The following DCT variants were observed in gnomAD, a reference collection of about 807,000 sequenced individuals.
DCT encodes the protein L-dopachrome tautomerase.
Under a neutral mutation model 53.0 loss-of-function variants are expected in DCT, and 47 were observed. The observed-to-expected ratio is 0.89, with a 90% confidence interval of 0.70 to 1.13. The LOEUF (loss-of-function observed/expected upper bound fraction) is 1.13. Among genes scored for constraint, DCT ranks in the 50% most tolerant of loss-of-function variants. The pLI, the probability that DCT is intolerant of heterozygous loss-of-function variation, is 0.00. For missense variants in DCT, 669 were observed against 637.4 expected (o/e 1.05, Z -0.53); for synonymous variants, 244 against 237.0 (o/e 1.03, Z -0.27).
chr13:94,461,157 GT>G (rs2139326193), intron 5 of DCT, among the ~76,000 whole-genome samples: 1 of 152,322 alleles, frequency 6.6e-6, no homozygotes, highest in East Asian at 1.9e-4. Flanking sequence ...ATATGTTTGA[GT>G]TAGGGGAGTT....
the DCT span, among the ~76,000 whole-genome samples, chr13:94,536,925 CAG>C: frequency 6.6e-6 from 1 of 152,134 alleles, no homozygotes; most frequent in Non-Finnish European, 1.5e-5. Context: ...ACCTGGGCAA[CAG>C]AGAGAGACTC....
chr13:94,458,523 A>C (rs1481221771), intron 6 of DCT, among the ~76,000 whole-genome samples: 1 of 152,122 alleles, frequency 6.6e-6, no homozygotes, highest in Admixed American at 6.6e-5. Context: ...AAAACTAAAG[A>C]CTGGGCCCAG....
chr13:94,458,271 C>A (rs1454508237), intron 6 of DCT, among the ~76,000 whole-genome samples: 1 of 152,118 alleles, frequency 6.6e-6, no homozygotes, highest in Non-Finnish European at 1.5e-5. Context: ...AAGTCCTCCC[C>A]AAATCACCTA....
Position 94,460,129 on chromosome 13 carries a change from C to T in DCT, c.1141G>A (p.Ala381Thr), listed in dbSNP as rs772228009. The T allele has an allele frequency of 9.9e-6, 16 of 1,613,952 alleles. No individual in the cohort carries two copies. Among genetic ancestry groups the T allele is most frequent in the East Asian group, 2.2e-5 (1 of 44,872 alleles). ...LVHSFLNGTN[A>T]LPHSAANDPI... is the part of the protein sequence containing the mutation. ...TCATTGGCGGCTGAATGTGGCAAAG[C>T]GTTTGTCCCGTTCAGGAAGGAATGA... Residue 381 changes from alanine (A) to threonine (T), a missense_variant, in exon 6 of 8, where the codon GCT becomes ACT. Physicochemically the swap from Ala to Thr is moderately conservative, Grantham distance 58. Coordinates refer to ENST00000377028, the MANE Select transcript of DCT (RefSeq NM_001922.5).
intron 6 of DCT, among the ~76,000 whole-genome samples, chr13:94,459,349 C>T (rs1361695740): frequency 1.3e-5 from 2 of 152,144 alleles, no homozygotes; most frequent in Non-Finnish European, 2.9e-5. Flanking sequence ...AATTAAATTG[C>T]CTCAAATGTG....
intron 1 of DCT, among the ~76,000 whole-genome samples, chr13:94,474,231 T>A (rs182831331): frequency 6.8e-6 from 1 of 146,240 alleles, no homozygotes; most frequent in Non-Finnish European, 1.5e-5. Flanking sequence ...CAAAGTCTCA[T>A]GTTTACAAAG....
intron 4 of DCT, among the ~76,000 whole-genome samples, chr13:94,464,086 C>A (rs1369289942): frequency 6.6e-6 from 1 of 152,220 alleles, no homozygotes; most frequent in Non-Finnish European, 1.5e-5. Context: ...TGGGAAATGG[C>A]GCTTGATGGA....
At chr13:94,548,861 G>A in the DCT span, among the ~76,000 whole-genome samples, 1 of 152,190 alleles carries the variant, frequency 6.6e-6, no homozygotes, top group Non-Finnish European at 1.5e-5. Context: ...AGAAAGGAAC[G>A]TCTAGACCCG....
At chr13:94,537,790 G>A in the DCT span, among the ~76,000 whole-genome samples, 19 of 152,194 alleles carry the variant, frequency 1.2e-4, no homozygotes, top group Middle Eastern at 3.2e-3. Flanking sequence ...ACTTGGCTAG[G>A]TGACATAAGA....
chr13:94,447,671 A>T (rs2139289109), intron 6 of DCT, among the ~76,000 whole-genome samples: 1 of 152,344 alleles, frequency 6.6e-6, no homozygotes, highest in Non-Finnish European at 1.5e-5. Context: ...TCCTAAACCA[A>T]TCATGAACTT....
chr13:94,523,235 G>A, the DCT span, among the ~76,000 whole-genome samples: 2 of 152,204 alleles, frequency 1.3e-5, no homozygotes, highest in Non-Finnish European at 2.9e-5. Flanking sequence ...TGAGTTCCAG[G>A]AATGCCTCTA....
the DCT span, among the ~76,000 whole-genome samples, chr13:94,487,622 T>C: frequency 1.3e-5 from 2 of 152,102 alleles, no homozygotes; most frequent in Admixed American, 1.3e-4. Flanking sequence ...TGGCTAAGAT[T>C]AATACAGAGA....
At chr13:94,465,547 C>A in intron 4 of DCT, 86 bp downstream of exon 4, 1 of 1,240,852 alleles carries the variant, frequency 8.1e-7, no homozygotes, top group Non-Finnish European at 1.1e-6. Context: ...GCATAAGAAA[C>A]AGCACTATAA....
chr13:94,460,641 G>C (rs1012904585), intron 5 of DCT, among the ~76,000 whole-genome samples: 5 of 151,804 alleles, frequency 3.3e-5, no homozygotes, highest in Non-Finnish European at 7.4e-5. Context: ...TTGACTGAAG[G>C]TCCAGCTACT....
At chr13:94,448,549 A>G (rs968998067) in intron 6 of DCT, among the ~76,000 whole-genome samples, 6 of 152,330 alleles carry the variant, frequency 3.9e-5, no homozygotes, top group African/African-American at 9.6e-5. Context: ...ACAAGTTAAT[A>G]TCTCTGTAAA....
chr13:94,503,062 TATTTG>T, the DCT span, among the ~76,000 whole-genome samples: 3 of 152,220 alleles, frequency 2.0e-5, no homozygotes, highest in African/African-American at 7.2e-5. Flanking sequence ...AATGTCACTT[TATTTG>T]GAAATAAAGT....
chr13:94,529,410 T>A, the DCT span, among the ~76,000 whole-genome samples: 2 of 152,128 alleles, frequency 1.3e-5, no homozygotes. Context: ...CCTCAGCAAA[T>A]GTAAAAGAAC....
chr13:94,440,126 C>A (rs1882184651), intron 7 of DCT, 50 bp from the exon 8 acceptor site: 1 of 1,500,392 alleles, frequency 6.7e-7, no homozygotes. Flanking sequence ...CAGCTGAATA[C>A]TTTCAGAAGA....
chr13:94,518,139 AAGGAAGGAAGGAAG>A, the DCT span, among the ~76,000 whole-genome samples: 1 of 148,060 alleles, frequency 6.8e-6, no homozygotes, highest in African/African-American at 2.5e-5. Context: ...GGAAGGAAGG[AAGGAAGGAAGGAAG>A]GAATGAAGGA....
Sources: allele counts gnomAD v4.1 joint callset (sites outside exome capture counted in the v4.1 genomes callset), GRCh38; gene constraint gnomAD v4.1.1; transcripts MANE v1.5; gene names NCBI Gene and HGNC (gene_info 2026-07-23, HGNC 2026-07-21).